The following DNAH6 variants were observed in gnomAD, a reference collection of about 807,000 sequenced individuals.
DNAH6 encodes axonemal beta dynein heavy chain 6.
In DNAH6, 340 loss-of-function variants were observed where a neutral mutation model predicts 491.4. That is an observed-to-expected ratio of 0.69 (90% CI 0.63 to 0.76). The LOEUF (loss-of-function observed/expected upper bound fraction) is 0.76. Among genes scored for constraint, DNAH6 ranks in the 30% least tolerant of loss-of-function variants. The pLI, the probability that DNAH6 is intolerant of heterozygous loss-of-function variation, is 0.00. For synonymous variants in DNAH6, 1,603 were observed against 1,686.1 expected (o/e 0.95, Z 1.21); for missense variants, 4,443 against 4,972.2 (o/e 0.89, Z 3.20).
intron 29 of DNAH6, among the ~76,000 whole-genome samples, chr2:84,630,066 T>G (rs76186226): frequency 0.029 from 4,369 of 152,254 alleles, 228 homozygotes; most frequent in African/African-American, 0.099. Context: ...TTTGAAAAAT[T>G]GATAAAGAAA....
At chr2:84,521,919 GTTC>G (rs371085036) in intron 2 of DNAH6, among the ~76,000 whole-genome samples, 28 of 151,976 alleles carry the variant, frequency 1.8e-4, no homozygotes, top group African/African-American at 6.7e-4. Context: ...TGCCTCCAGT[GTTC>G]TTCTTTATGC....
chr2:84,551,517 A>C (rs757509492), intron 9 of DNAH6, among the ~76,000 whole-genome samples: 1 of 152,256 alleles, frequency 6.6e-6, no homozygotes, highest in Non-Finnish European at 1.5e-5. Context: ...TCTCACAAAG[A>C]AATGTATAAT....
At chr2:84,639,814 C>T (rs1222905771) in intron 31 of DNAH6, among the ~76,000 whole-genome samples, 1 of 152,164 alleles carries the variant, frequency 6.6e-6, no homozygotes, top group Non-Finnish European at 1.5e-5. Flanking sequence ...AGTAAGAACT[C>T]TGCGTCATTC....
At chr2:84,487,505 C>T in the DNAH6 span, among the ~76,000 whole-genome samples, 6 of 152,252 alleles carry the variant, frequency 3.9e-5, no homozygotes, top group South Asian at 8.3e-4. Flanking sequence ...CTGTTGTATC[C>T]CTGGCTAACA....
chr2:84,704,124 C>T lies in DNAH6; in HGVS notation c.8287C>T (p.Gln2763Ter). Residue 2763 changes from glutamine (Q) to a stop codon, truncating the protein, a stop_gained, in exon 51 of 77, where the codon CAA becomes TAA. Transcript: ENST00000389394. LOFTEE classifies it high-confidence loss of function. Reference protein sequence around the residue: ...ATAKVKAEETQAIADDAQRDL... With the variant: ...ATAKVKAEET ...AGCAAAAGTCAAAGCTGAAGAAACC[C>T]AAGCAATAGCTGATGATGCTCAAAG... 6.4e-7 allele frequency: 1 copy of T among 1,551,822 alleles called. No individual in the cohort carries two copies. Among genetic ancestry groups the T allele is most frequent in the Non-Finnish European group, 8.7e-7 (1 of 1,147,014 alleles).
chr2:84,508,716 T>A, the DNAH6 span, among the ~76,000 whole-genome samples: 1 of 152,204 alleles, frequency 6.6e-6, no homozygotes, highest in African/African-American at 2.4e-5. Flanking sequence ...TGCTATAAAT[T>A]TCCCTCTACA....
intron 10 of DNAH6, among the ~76,000 whole-genome samples, chr2:84,553,375 TTCTTTCTTTC>T (rs1679644647): frequency 1.3e-5 from 1 of 78,248 alleles, no homozygotes; most frequent in Non-Finnish European, 2.6e-5. Flanking sequence ...TTTTCTTTCT[TTCTTTCTTTC>T]TTTCTTTCTT....
intron 75 of DNAH6, among the ~76,000 whole-genome samples, chr2:84,815,328 C>G (rs1376193251): frequency 6.6e-6 from 1 of 150,672 alleles, no homozygotes; most frequent in Non-Finnish European, 1.5e-5. Flanking sequence ...CAGAAATGGC[C>G]AAATCCACTC....
intron 4 of DNAH6, among the ~76,000 whole-genome samples, chr2:84,535,575 A>G (rs1677605327): frequency 6.6e-6 from 1 of 151,836 alleles, no homozygotes; most frequent in East Asian, 1.9e-4. Flanking sequence ...TCAAGAAGCT[A>G]GGAGTGCAAG....
chr2:84,729,287 A>G (rs1308335751), intron 61 of DNAH6, among the ~76,000 whole-genome samples: 1 of 152,220 alleles, frequency 6.6e-6, no homozygotes, highest in African/African-American at 2.4e-5. Flanking sequence ...AGTTAGGCAC[A>G]GAAAGGTTAA....
intron 10 of DNAH6, among the ~76,000 whole-genome samples, chr2:84,553,365 TTTTCTTTCTTTC>T (rs869077601): frequency 0.023 from 447 of 19,738 alleles, 3 homozygotes; most frequent in East Asian, 0.12. Flanking sequence ...TTTTCTTTTC[TTTTCTTTCTTTC>T]TTTCTTTCTT....
intron 58 of DNAH6, among the ~76,000 whole-genome samples, chr2:84,717,347 A>G (rs768173629): frequency 6.6e-6 from 1 of 152,166 alleles, no homozygotes; most frequent in Non-Finnish European, 1.5e-5. Context: ...AGTATTCTTT[A>G]TATAATAATT....
chr2:84,528,773 A>C, intron 3 of DNAH6, 131 bp from the exon 4 acceptor site: 1 of 893,526 alleles, frequency 1.1e-6, no homozygotes, highest in Non-Finnish European at 1.6e-6. Context: ...TTTCAGTGCC[A>C]AAATGCTTGC....
At chr2:84,739,881 A>G (rs1451451134) in intron 62 of DNAH6, among the ~76,000 whole-genome samples, 1 of 152,128 alleles carries the variant, frequency 6.6e-6, no homozygotes, top group Non-Finnish European at 1.5e-5. Flanking sequence ...CTGTCATTTC[A>G]GACATTTCAT....
intron 40 of DNAH6, among the ~76,000 whole-genome samples, chr2:84,672,709 C>T (rs886982834): frequency 9.9e-5 from 15 of 152,178 alleles, no homozygotes; most frequent in African/African-American, 2.4e-5. Context: ...GGGCTTCTCT[C>T]TGTGTCTGTC....
At chr2:84,810,752 A>AT (rs200671411) in intron 72 of DNAH6, among the ~76,000 whole-genome samples, 2 of 152,334 alleles carry the variant, frequency 1.3e-5, no homozygotes, top group East Asian at 3.9e-4. Flanking sequence ...GAACCGTGGG[A>AT]TAGGACAGGT....
At chr2:84,657,181 T>C (rs1691062505) in intron 35 of DNAH6, among the ~76,000 whole-genome samples, 1 of 152,102 alleles carries the variant, frequency 6.6e-6, no homozygotes, top group Admixed American at 6.6e-5. Flanking sequence ...TTCTGTTCCA[T>C]TGATCTACTT....
the DNAH6 span, among the ~76,000 whole-genome samples, chr2:84,461,418 A>G: frequency 6.6e-6 from 1 of 152,148 alleles, no homozygotes; most frequent in East Asian, 1.9e-4. Context: ...GAACACCCCT[A>G]CCTCAATTCT....
chr2:84,740,337 A>G (rs1672399163), intron 62 of DNAH6, among the ~76,000 whole-genome samples: 1 of 152,226 alleles, frequency 6.6e-6, no homozygotes, highest in Admixed American at 6.5e-5. Context: ...GCACCTCTGC[A>G]GAGCACATTC....
Sources: gnomAD v4.1 joint callset for allele counts (sites outside exome capture counted in the v4.1 genomes callset) on GRCh38, gnomAD v4.1.1 for gene constraint, MANE v1.5 for transcripts, NCBI Gene and HGNC (gene_info 2026-07-23, HGNC 2026-07-21) for gene names.